Variants in COLGALT2 observed in about 807,000 individuals in gnomAD.
COLGALT2 encodes collagen beta(1-O)galactosyltransferase 2.
A neutral mutation model predicts 73.4 loss-of-function variants in COLGALT2; 49 were observed. That is an observed-to-expected ratio of 0.67 (90% CI 0.53 to 0.85). The LOEUF (loss-of-function observed/expected upper bound fraction) is 0.85, where lower values mean the gene tolerates loss of function less well. COLGALT2 is among the 40% of genes least tolerant of loss of function. The pLI, the probability that COLGALT2 is intolerant of heterozygous loss-of-function variation, is 0.00. For synonymous variants in COLGALT2, 295 were observed against 307.6 expected (o/e 0.96, Z 0.43); for missense variants, 722 against 790.2 (o/e 0.91, Z 1.03).
chr1:183,938,909 C>A lies in COLGALT2; in HGVS notation c.1733G>T (p.Trp578Leu). 6.2e-7 allele frequency: 1 copy of A among 1,614,150 alleles called. No individual in the cohort carries two copies. Among genetic ancestry groups the A allele is most frequent in the Non-Finnish European group, 8.5e-7 (1 of 1,180,034 alleles). ...GTCGGTGGCCACTGTCTCATTGTCC[C>A]AGATGGTGGAGGTCTCCGTGTCACT... The part of the protein sequence containing the change: ...YLSDTETSTI[W>L]DNETVATDWD... Residue 578 changes from tryptophan to leucine, a missense_variant, in exon 12 of 12, where the codon TGG (tryptophan) becomes TTG (leucine). Physicochemically the swap from Trp to Leu is moderately conservative, Grantham distance 61. Coordinates refer to ENST00000361927, the MANE Select transcript of COLGALT2 (RefSeq NM_015101.4).
chr1:183,995,616 T>C (rs1292677160), intron 1 of COLGALT2, among the ~76,000 whole-genome samples: 1 of 152,076 alleles, frequency 6.6e-6, no homozygotes, highest in African/African-American at 2.4e-5. Context: ...CTACCTTGTA[T>C]GTTTGCTTCC....
chr1:184,019,120 A>T (rs954216579), intron 1 of COLGALT2, among the ~76,000 whole-genome samples: 1 of 152,140 alleles, frequency 6.6e-6, no homozygotes, highest in Non-Finnish European at 1.5e-5. Flanking sequence ...CTCAATAGCA[A>T]CTCACTTCTT....
At chr1:183,954,665 G>T in intron 7 of COLGALT2, 97 bp downstream of exon 7, 2 of 904,818 alleles carry the variant, frequency 2.2e-6, no homozygotes, top group Non-Finnish European at 3.5e-6. Flanking sequence ...AGCCAGTCTT[G>T]CTGGCTCTCA....
intron 1 of COLGALT2, among the ~76,000 whole-genome samples, chr1:184,010,640 A>G (rs1226187923): frequency 1.3e-5 from 2 of 152,230 alleles, no homozygotes; most frequent in South Asian, 2.1e-4. Flanking sequence ...AGTGAAGGAC[A>G]ATCTCCTAGA....
At chr1:184,001,261 A>T (rs1052453895) in intron 1 of COLGALT2, among the ~76,000 whole-genome samples, 1 of 152,038 alleles carries the variant, frequency 6.6e-6, no homozygotes, top group African/African-American at 2.4e-5. Flanking sequence ...TACTTTTTTA[A>T]AAAAAATAAA....
intron 4 of COLGALT2, among the ~76,000 whole-genome samples, chr1:183,970,690 T>C (rs1378488638): frequency 6.6e-6 from 1 of 152,202 alleles, no homozygotes; most frequent in East Asian, 1.9e-4. Flanking sequence ...GCCTGAGTTT[T>C]TTCTCCTGAA....
intron 1 of COLGALT2, among the ~76,000 whole-genome samples, chr1:183,986,312 C>T (rs1360484740): frequency 6.6e-6 from 1 of 152,182 alleles, no homozygotes; most frequent in African/African-American, 2.4e-5. Flanking sequence ...GCAATTCTTC[C>T]CAATGAACTA....
chr1:183,958,725 T>C (rs543983591), intron 6 of COLGALT2, among the ~76,000 whole-genome samples: 81 of 149,538 alleles, frequency 5.4e-4, no homozygotes, highest in Admixed American at 1.6e-3. Context: ...CTCTGCAATA[T>C]TGTTCTGGGC....
At chr1:183,945,871 T>C (rs1670235842) in intron 8 of COLGALT2, 3 of 321,944 alleles carry the variant, frequency 9.3e-6, no homozygotes, top group Non-Finnish European at 1.7e-5. Flanking sequence ...AGTACTGCAA[T>C]AATCCAAGGA....
At chr1:183,983,326 C>T (rs1572656327) in intron 1 of COLGALT2, among the ~76,000 whole-genome samples, 2 of 152,142 alleles carry the variant, frequency 1.3e-5, no homozygotes, top group East Asian at 3.9e-4. Flanking sequence ...GCCTGGTGGT[C>T]CCCGCTTAAG....
At chr1:184,007,022 G>T (rs1367521656) in intron 1 of COLGALT2, among the ~76,000 whole-genome samples, 1 of 152,184 alleles carries the variant, frequency 6.6e-6, no homozygotes, top group African/African-American at 2.4e-5. Flanking sequence ...AAGCTCTTAG[G>T]GACCATTTGA....
intron 1 of COLGALT2, among the ~76,000 whole-genome samples, chr1:183,995,493 TC>T (rs1439084085): frequency 6.6e-6 from 1 of 152,282 alleles, no homozygotes; most frequent in African/African-American, 2.4e-5. Flanking sequence ...ACAGGAGAAA[TC>T]CCTAGGCAGC....
At chr1:183,983,291 A>AGGGCCACAC (rs1671401210) in intron 1 of COLGALT2, among the ~76,000 whole-genome samples, 1 of 152,140 alleles carries the variant, frequency 6.6e-6, no homozygotes, top group African/African-American at 2.4e-5. Flanking sequence ...AAGAGCAGTG[A>AGGGCCACAC]GGGCCACACC....
Position 183,969,328 on chromosome 1 carries a change from T to C in COLGALT2, c.773A>G (p.Gln258Arg), listed in dbSNP as rs1670970491. ...GTCATCAAAGGTCCAGGTGTAGTCC[T>C]GGTGTGGGGGGTAGAAAGTCAGCTT... ...SDKLTFYPPH[Q>R]DYTWTFDDII... Residue 258 changes from glutamine to arginine, a missense_variant, in exon 5 of 12, where the codon CAG (glutamine) becomes CGG (arginine). By Grantham distance (43) the Gln-to-Arg change is conservative. Coordinates refer to ENST00000361927, the MANE Select transcript of COLGALT2 (RefSeq NM_015101.4). 1.2e-6 allele frequency: 2 copies of C among 1,613,842 alleles called. No individual in the cohort carries two copies. The highest frequency in any genetic ancestry group is 2.2e-5 in the East Asian group (1 of 44,898).
rs775167400 is a variant in COLGALT2 at position 183,951,092 on chromosome 1, G to C, written c.1051C>G (p.Arg351Gly). The C allele has an allele frequency of 6.2e-7, 1 of 1,613,226 alleles. No individual in the cohort carries two copies. Among genetic ancestry groups the C allele is most frequent in the Non-Finnish European group, 8.5e-7 (1 of 1,179,302 alleles). The part of the protein sequence containing the change: ...FDEIFMINLK[R>G]RKDRRDRMLR... ...ATCCGGTCCCGCCTGTCCTTTCTGC[G>C]TTTGAGGTTTATCATGAAAATCTAA... Residue 351 changes from arginine to glycine, a missense_variant, in exon 8 of 12, where the codon CGC becomes GGC. Transcript: ENST00000361927.
Position 183,988,422 on chromosome 1 carries a change from C to T in COLGALT2, c.264-9902G>A, listed in dbSNP as rs188198746. Among the ~76,000 whole-genome samples the T allele has an allele frequency of 3.5e-3, 533 of 152,286 alleles. 1 individual carries two copies. The highest frequency in any genetic ancestry group is 0.012 in the African/African-American group (491 of 41,556). On this transcript the variant is annotated intron_variant, in intron 1 of 11. Coordinates refer to ENST00000361927, the MANE Select transcript of COLGALT2 (RefSeq NM_015101.4). ...TAAAATTCAGTGGTTTTTAGTTGTG[C>T]AACCATCACCATTATCCAATTCCAG...
At chr1:183,993,922 A>G (rs1218516928) in intron 1 of COLGALT2, among the ~76,000 whole-genome samples, 1 of 151,992 alleles carries the variant, frequency 6.6e-6, no homozygotes, top group East Asian at 1.9e-4. Flanking sequence ...AACTTTCATC[A>G]GGACTGTTAT....
Position 183,940,757 on chromosome 1 carries a change from C to T in COLGALT2, c.1428G>A (p.Lys476=). ...IYIGRKRMQV[K]EPEKAVPNVA... is the part of the protein sequence containing the mutation. Reference sequence around the variant, plus strand: ...CATTGGGCACTGCTTTCTCTGGCTCCTTTACTTGCATCCTCTTCCTACCAA... The same window carrying T: ...CATTGGGCACTGCTTTCTCTGGCTCTTTTACTTGCATCCTCTTCCTACCAA... The change falls in exon 11 of 12, where the codon AAG becomes AAA. Residue 476 remains lysine, a synonymous_variant. Transcript: ENST00000361927. The T allele has an allele frequency of 6.2e-7, 1 of 1,614,254 alleles. No individual in the cohort carries two copies. Among genetic ancestry groups the T allele is most frequent in the Non-Finnish European group, 8.5e-7 (1 of 1,180,050 alleles).
At chr1:183,944,366 A>G (rs944859517) in intron 9 of COLGALT2, 43 bp from the exon 10 acceptor site, 1 of 1,579,286 alleles carries the variant, frequency 6.3e-7, no homozygotes, top group Non-Finnish European at 8.6e-7. Flanking sequence ...GAAAAGTTTG[A>G]AACCCAATTT....
Sources: gnomAD v4.1 joint callset for allele counts (sites outside exome capture counted in the v4.1 genomes callset) on GRCh38, gnomAD v4.1.1 for gene constraint, MANE v1.5 for transcripts, NCBI Gene and HGNC (gene_info 2026-07-23, HGNC 2026-07-21) for gene names.